Variants in RPS11 observed in about 807,000 individuals in gnomAD.
RPS11 encodes the protein ribosomal protein S11, also known as small ribosomal subunit protein uS17.
For missense variants in RPS11, 127 were observed against 211.4 expected (o/e 0.60, Z 2.48); for synonymous variants, 107 against 78.0 (o/e 1.37, Z -1.96).
Position 49,497,514 on chromosome 19 carries a change from T to G in RPS11, c.148-6T>G, listed in dbSNP as rs1399530409. ...GCTCACTCCTTTATCTTTCCTATCC[T>G]TTCAGGCTATTGAGGGCACCTACAT... On this transcript the variant is annotated splice_polypyrimidine_tract_variant and splice_region_variant and intron_variant, in intron 2 of 4. Coordinates refer to ENST00000270625, the MANE Select transcript of RPS11 (RefSeq NM_001015.5). The G allele has an allele frequency of 4.3e-6, 7 of 1,613,594 alleles. No homozygotes were observed. In the South Asian group the frequency reaches 7.7e-5, roughly 18 times the overall value.
At chr19:49,498,164 GC>G in intron 4 of RPS11, 118 bp downstream of exon 4, 1 of 1,132,116 alleles carries the variant, frequency 8.8e-7, no homozygotes, top group Non-Finnish European at 1.3e-6. Context: ...TCTCTGGGAA[GC>G]CCCAGAATCT....
chr19:49,496,674 T>A (rs2079907980), intron 1 of RPS11, among the ~76,000 whole-genome samples: 1 of 152,170 alleles, frequency 6.6e-6, no homozygotes. Flanking sequence ...CTGGCGTTAA[T>A]GGAGGCTCAA....
intron 4 of RPS11, 134 bp downstream of exon 4, chr19:49,498,180 A>G (rs1172073588): frequency 4.3e-6 from 4 of 938,154 alleles, no homozygotes; most frequent in Non-Finnish European, 6.7e-6. Context: ...GAATCTCAGG[A>G]TTTGTATATC....
At chr19:49,498,148 G>A in intron 4 of RPS11, 102 bp downstream of exon 4, 2 of 1,325,400 alleles carry the variant, frequency 1.5e-6, no homozygotes, top group South Asian at 1.2e-5. Context: ...AAAGACTGAG[G>A]TGGCATCTCT....
intron 4 of RPS11, chr19:49,498,344 T>A (rs2079917865): frequency 2.5e-6 from 1 of 403,130 alleles, no homozygotes; most frequent in Admixed American, 3.6e-5. Flanking sequence ...ATATACACCT[T>A]ATTCACATAG....
intron 1 of RPS11, 33 bp from the exon 2 acceptor site, chr19:49,497,161 G>A (rs1568692009): frequency 1.2e-6 from 2 of 1,609,870 alleles, no homozygotes; most frequent in Non-Finnish European, 1.7e-6. Context: ...TTCAAACTTA[G>A]CAGCTCATCA....
At chr19:49,496,511 C>T (rs1362973785) in intron 1 of RPS11, 40 bp downstream of exon 1, 15 of 1,592,720 alleles carry the variant, frequency 9.4e-6, no homozygotes, top group Non-Finnish European at 1.2e-5. Context: ...CGGGGTCCGC[C>T]TTGGCCTTCA....
In RPS11 at chr19:49,497,548, A is replaced by G. The variant is rs1486938571; in HGVS notation, c.176A>G (p.Lys59Arg). ...EAIEGTYIDK[K>R]CPFTGNVSIR... ...ATTGAGGGCACCTACATTGACAAGA[A>G]ATGCCCCTTCACTGGTAATGTGTCC... The change falls in exon 3 of 5, where the codon AAA becomes AGA. Residue 59 changes from lysine (K) to arginine (R), a missense_variant. Lys to Arg is a conservative substitution (Grantham distance 26). Coordinates refer to ENST00000270625, the MANE Select transcript of RPS11 (RefSeq NM_001015.5). 1.2e-6 allele frequency: 2 copies of G among 1,613,834 alleles called. No individual in the cohort carries two copies. Among genetic ancestry groups the G allele is most frequent in the Admixed American group, 3.3e-5 (2 of 59,988 alleles).
chr19:49,499,512 G>A lies in RPS11; in HGVS notation c.354G>A (p.Arg118=). The change falls in exon 5 of 5, where the codon AGG becomes AGA. Residue 118 remains arginine (R), a splice_region_variant and synonymous_variant. Transcript: ENST00000270625. ...NMSVHLSPCF[R]DVQIGDIVTV... is the part of the protein sequence containing the mutation. ...GACATGGCCCTACCTGCCTCCACAG[G>A]GACGTCCAGATCGGTGACATCGTCA... is the stretch of plus-strand genomic sequence containing the variant. 6.2e-7 allele frequency: 1 copy of A among 1,613,176 alleles called. No individual in the cohort carries two copies. Among genetic ancestry groups the A allele is most frequent in the Non-Finnish European group, 8.5e-7 (1 of 1,179,298 alleles).
In RPS11 at chr19:49,496,446, C is replaced by T. The variant is rs780421769; in HGVS notation, c.-11C>T. ...CTGCTGCCCCTTTCTTTTTTTCAGG[C>T]GGCCGGGAAGATGGCGGACATTCAG... On this transcript the variant is annotated 5_prime_UTR_variant, in exon 1 of 5. Coordinates refer to ENST00000270625, the MANE Select transcript of RPS11 (RefSeq NM_001015.5). 5 of 1,611,806 alleles carry T rather than the reference C, an allele frequency of 3.1e-6. No individual in the cohort carries two copies. Among genetic ancestry groups the T allele is most frequent in the Non-Finnish European group, 4.2e-6 (5 of 1,179,138 alleles).
chr19:49,497,220 G>C lies in RPS11; in HGVS notation c.42G>C (p.Pro14=), dbSNP rs576201382. Residue 14 remains proline (P), a synonymous_variant, in exon 2 of 5, where the codon CCG becomes CCC. Transcript: ENST00000270625. ...IQTERAYQKQ[P]TIFQNKKRVL... ...CTGAGCGTGCCTACCAAAAGCAGCCGACCATCTTTCAAAACAAGAAGAGGG... is the reference window on the plus strand; with the variant it reads ...CTGAGCGTGCCTACCAAAAGCAGCCCACCATCTTTCAAAACAAGAAGAGGG... The C allele has an allele frequency of 3.1e-6, 5 of 1,614,024 alleles. No individual in the cohort carries two copies. The highest frequency in any genetic ancestry group is 3.3e-5 in the Admixed American group (2 of 60,008).
Position 49,497,982 on chromosome 19 carries a change from C to G in RPS11, c.289C>G (p.Arg97Gly). 6.2e-7 allele frequency: 1 copy of G among 1,614,046 alleles called. No individual in the cohort carries two copies. Among genetic ancestry groups the G allele is most frequent in the East Asian group, 2.2e-5 (1 of 44,886 alleles). The change falls in exon 4 of 5, where the codon CGC becomes GGC. Residue 97 changes from arginine (R) to glycine (G), a missense_variant. Coordinates refer to ENST00000270625, the MANE Select transcript of RPS11 (RefSeq NM_001015.5). ...VIRRDYLHYI[R>G]KYNRFEKRHK... ...CCGCCGAGACTATCTGCACTACATCCGCAAGTACAACCGCTTCGAGAAGCG... is the reference window on the plus strand; with the variant it reads ...CCGCCGAGACTATCTGCACTACATCGGCAAGTACAACCGCTTCGAGAAGCG...
At chr19:49,496,826 T>G (rs1341845991) in intron 1 of RPS11, among the ~76,000 whole-genome samples, 2 of 152,144 alleles carry the variant, frequency 1.3e-5, no homozygotes, top group Non-Finnish European at 2.9e-5. Flanking sequence ...TTCTGAATCC[T>G]TATGTACTAC....
At chr19:49,496,560 CG>C in intron 1 of RPS11, 89 bp downstream of exon 1, 1 of 1,391,392 alleles carries the variant, frequency 7.2e-7, no homozygotes, top group Non-Finnish European at 9.8e-7. Context: ...CGGCCAAGTT[CG>C]GGGGTTAATT....
rs559111062 is a variant in RPS11, at chr19:49,498,767, T to C, written c.353+721T>C. ...CCTGTCTCTCCCACACACACACAAA[T>C]TCAGATTTTGCAGCGTTTCAGAATT... On this transcript the variant is annotated intron_variant, in intron 4 of 4. Transcript: ENST00000270625. 7.9e-5 allele frequency among the ~76,000 whole-genome samples: 12 copies of C among 152,164 alleles called. 1 individual carries two copies. In the South Asian group the frequency reaches 1.9e-3, roughly 24 times the overall value.
chr19:49,496,851 C>T (rs1461025321), intron 1 of RPS11, among the ~76,000 whole-genome samples: 1 of 151,962 alleles, frequency 6.6e-6, no homozygotes, highest in African/African-American at 2.4e-5. Context: ...GGAGTGAATC[C>T]TGGGTGGGCG....
chr19:49,496,726 G>GT (rs1260290128), intron 1 of RPS11, among the ~76,000 whole-genome samples: 4 of 152,190 alleles, frequency 2.6e-5, no homozygotes, highest in East Asian at 3.9e-4. Context: ...GTTTAAGAAG[G>GT]TTTTTTTGGA....
chr19:49,497,148 G>C (rs369178204), intron 1 of RPS11, 46 bp from the exon 2 acceptor site: 1 of 1,606,972 alleles, frequency 6.2e-7, no homozygotes, highest in Non-Finnish European at 8.5e-7. Flanking sequence ...GTTGGCTGCC[G>C]GCTTCAAACT....
chr19:49,498,277 C>T lies in RPS11; in HGVS notation c.353+231C>T, dbSNP rs964578232. 5.5e-6 allele frequency: 3 copies of T among 540,700 alleles called. No homozygotes were observed. In the African/African-American group the frequency reaches 5.7e-5, roughly 10 times the overall value. The allele number at this position is 540,700 out of a possible 1,614,324, so 33.5% of individuals were successfully genotyped here. ...CCAGATTTTGGAATGTTCTCGCATA[C>T]ATAGTGAGATGTTTTGGGGATGTGA... On this transcript the variant is annotated intron_variant, in intron 4 of 4. Transcript: ENST00000270625.
Sources: gnomAD v4.1 joint callset for allele counts (sites outside exome capture counted in the v4.1 genomes callset) on GRCh38, gnomAD v4.1.1 for gene constraint, MANE v1.5 for transcripts, NCBI Gene and HGNC (gene_info 2026-07-23, HGNC 2026-07-21) for gene names.